Variants in AGPAT5 observed in about 807,000 individuals in gnomAD.
AGPAT5 encodes 1-acyl-sn-glycerol-3-phosphate acyltransferase epsilon.
Under a neutral mutation model 45.6 loss-of-function variants are expected in AGPAT5, and 46 were observed. The ratio of observed to expected loss-of-function variants is 1.01; its 90% CI spans 0.80 to 1.29. The LOEUF is 1.29. Ranked by LOEUF, AGPAT5 falls within the 50% of genes most tolerant of loss-of-function variation. The probability of loss-of-function intolerance (pLI) is 0.00; values close to 1 mark genes in which losing one functional copy is unlikely to be tolerated. For synonymous variants in AGPAT5, 272 were observed against 167.0 expected, an observed-to-expected ratio of 1.63 and a Z score of -4.85; for missense variants, 673 against 450.7, an observed-to-expected ratio of 1.49 and a Z score of -4.47.
Position 6,759,014 on chromosome 8 carries a change from G to A in AGPAT5, c.*1626G>A, listed in dbSNP as rs1801939499. 1 of 152,276 alleles carries A rather than the reference G, an allele frequency of 6.6e-6. No individual in the cohort carries two copies. The highest frequency in any genetic ancestry group is 1.5e-5 in the Non-Finnish European group (1 of 68,042). The allele number at this position is 152,276 out of a possible 1,614,324, so 9.4% of individuals were successfully genotyped here. On this transcript the variant is annotated 3_prime_UTR_variant, in exon 8 of 8. Coordinates refer to ENST00000285518, the MANE Select transcript of AGPAT5 (RefSeq NM_018361.5). Reference sequence around the variant, plus strand: ...CTCTTTCAAGCATCATCTTTGAAGAGTCGTGTGGTGTGAATTGGTTTGTGT... The same window carrying A: ...CTCTTTCAAGCATCATCTTTGAAGAATCGTGTGGTGTGAATTGGTTTGTGT...
intron 6 of AGPAT5, 117 bp from the exon 7 acceptor site, chr8:6,754,934 G>T: frequency 2.5e-6 from 2 of 794,020 alleles, no homozygotes; most frequent in Non-Finnish European, 3.7e-6. Context: ...TAAGGAATCT[G>T]TACTTTTTCT....
At chr8:6,712,232 A>C (rs967441810) in intron 1 of AGPAT5, among the ~76,000 whole-genome samples, 5 of 152,186 alleles carry the variant, frequency 3.3e-5, no homozygotes, top group Non-Finnish European at 7.4e-5. Flanking sequence ...TTACAGATTT[A>C]CCTTCACATA....
intron 4 of AGPAT5, among the ~76,000 whole-genome samples, chr8:6,739,610 A>C (rs1801172522): frequency 2.0e-5 from 3 of 152,148 alleles, no homozygotes; most frequent in Admixed American, 2.0e-4. Flanking sequence ...TTTTTAATAT[A>C]CTAACCTTGC....
intron 6 of AGPAT5, among the ~76,000 whole-genome samples, chr8:6,753,742 T>C (rs546280100): frequency 1.3e-5 from 2 of 152,330 alleles, no homozygotes; most frequent in East Asian, 3.9e-4. Context: ...ATGATAGTAC[T>C]GTAGGAAAAT....
intron 5 of AGPAT5, chr8:6,745,660 G>A (rs1228734362): frequency 6.7e-6 from 1 of 149,592 alleles, no homozygotes; most frequent in Non-Finnish European, 1.5e-5. Flanking sequence ...TATTACATTG[G>A]TTTCCCCCCT....
Position 6,747,667 on chromosome 8 carries a change from T to A in AGPAT5, c.587-3T>A. ...TTAATGACGGCACTGAATTGACTTCTAGGCCTTGCAGTATTAAAACATGTG... is the reference window on the plus strand; with the variant it reads ...TTAATGACGGCACTGAATTGACTTCAAGGCCTTGCAGTATTAAAACATGTG... On this transcript the variant is annotated splice_polypyrimidine_tract_variant and splice_region_variant and intron_variant, in intron 5 of 7. Transcript: ENST00000285518. 6.2e-7 allele frequency: 1 copy of A among 1,611,206 alleles called. No homozygotes were observed. Among genetic ancestry groups the A allele is most frequent in the Non-Finnish European group, 8.5e-7 (1 of 1,177,798 alleles).
chr8:6,745,670 T>G (rs558209543), intron 5 of AGPAT5: 1 of 152,124 alleles, frequency 6.6e-6, no homozygotes, highest in Non-Finnish European at 1.5e-5. Context: ...GTTTCCCCCC[T>G]TTTTTTATTT....
intron 1 of AGPAT5, among the ~76,000 whole-genome samples, chr8:6,710,990 T>C (rs1800137934): frequency 6.6e-6 from 1 of 152,182 alleles, no homozygotes; most frequent in South Asian, 2.1e-4. Flanking sequence ...TAAAGTATTG[T>C]TGACTCATTT....
At chr8:6,738,400 A>G (rs570415104) in intron 4 of AGPAT5, 4 of 152,356 alleles carry the variant, frequency 2.6e-5, no homozygotes, top group African/African-American at 4.8e-5. Context: ...CACACACGAC[A>G]TTTATCAATT....
intron 4 of AGPAT5, among the ~76,000 whole-genome samples, chr8:6,737,405 A>T (rs560037960): frequency 2.0e-5 from 3 of 152,362 alleles, no homozygotes; most frequent in South Asian, 4.1e-4. Flanking sequence ...CCATGATTGT[A>T]TCAGTTCTTA....
intron 4 of AGPAT5, among the ~76,000 whole-genome samples, chr8:6,739,289 G>C (rs142443413): frequency 6.6e-6 from 1 of 152,132 alleles, no homozygotes; most frequent in African/African-American, 2.4e-5. Context: ...TTGCATTTCT[G>C]TGTGAATTAT....
chr8:6,725,956 G>T (rs902661130), intron 2 of AGPAT5, among the ~76,000 whole-genome samples: 1 of 152,138 alleles, frequency 6.6e-6, no homozygotes, highest in Non-Finnish European at 1.5e-5. Flanking sequence ...GAAAGTAAAA[G>T]AAGTTAAAAT....
chr8:6,748,799 T>A (rs1377512526), intron 6 of AGPAT5, among the ~76,000 whole-genome samples: 2 of 152,150 alleles, frequency 1.3e-5, no homozygotes, highest in Admixed American at 6.5e-5. Context: ...ATCAGCTGTT[T>A]GGGGTTGAGC....
At chr8:6,747,922 C>T in intron 6 of AGPAT5, 94 bp downstream of exon 6, 2 of 1,323,804 alleles carry the variant, frequency 1.5e-6, no homozygotes, top group Non-Finnish European at 2.0e-6. Context: ...GTTAAGTGTA[C>T]TTTTTTCCTT....
intron 1 of AGPAT5, among the ~76,000 whole-genome samples, chr8:6,723,125 T>C (rs1800563504): frequency 6.6e-6 from 1 of 152,240 alleles, no homozygotes. Context: ...AAACTACCTT[T>C]ATTTTGAAAA....
intron 1 of AGPAT5, among the ~76,000 whole-genome samples, chr8:6,718,076 A>T (rs1013102890): frequency 2.0e-5 from 3 of 152,218 alleles, no homozygotes; most frequent in Admixed American, 2.0e-4. Flanking sequence ...AGACAAAATG[A>T]GATAATACGT....
rs945634113 is a variant in AGPAT5, at chr8:6,724,015, T to A, written c.220-855T>A. On this transcript the variant is annotated intron_variant, in intron 1 of 7. Transcript: ENST00000285518. ...CTTAGCACCATTAGCAGCCATTTCC[T>A]TTTAAGTCTTTACAAGTATACTCCC... is the stretch of plus-strand genomic sequence containing the variant. Among the ~76,000 whole-genome samples, 9 of 152,334 alleles carry A rather than the reference T, an allele frequency of 5.9e-5. No homozygotes were observed. The South Asian group carries it at 1.0e-3, about 18-fold the overall frequency.
At chr8:6,709,855 G>A (rs1322021310) in intron 1 of AGPAT5, among the ~76,000 whole-genome samples, 1 of 152,146 alleles carries the variant, frequency 6.6e-6, no homozygotes, top group East Asian at 1.9e-4. Context: ...ACTAGGAGAG[G>A]CCAGGGCCTC....
chr8:6,743,184 C>G (rs1055628170), intron 5 of AGPAT5, among the ~76,000 whole-genome samples: 1 of 152,198 alleles, frequency 6.6e-6, no homozygotes, highest in Admixed American at 6.5e-5. Flanking sequence ...TCATTTCTCC[C>G]TGCTACATGT....
Sources: allele counts gnomAD v4.1 joint callset (sites outside exome capture counted in the v4.1 genomes callset), GRCh38; gene constraint gnomAD v4.1.1; transcripts MANE v1.5; gene names NCBI Gene and HGNC (gene_info 2026-07-23, HGNC 2026-07-21).